Variants in SDHA observed in about 807,000 individuals in gnomAD.
SDHA encodes the protein succinate dehydrogenase complex flavoprotein subunit A.
A neutral mutation model predicts 78.4 loss-of-function variants in SDHA; 48 were observed. The observed-to-expected ratio is 0.61, with a 90% CI of 0.49 to 0.78. The LOEUF (loss-of-function observed/expected upper bound fraction) is 0.78. SDHA is among the 30% of genes least tolerant of loss of function. The pLI, the probability that SDHA is intolerant of heterozygous loss-of-function variation, is 0.00. For synonymous variants in SDHA, 326 were observed against 353.9 expected (o/e 0.92, Z 0.88); for missense variants, 680 against 892.7 (o/e 0.76, Z 3.04).
At chr5:263,913 G>A in the SDHA span, among the ~76,000 whole-genome samples, 414 of 152,230 alleles carry the variant, frequency 2.7e-3, 1 homozygote, top group African/African-American at 9.5e-3. Context: ...TTCTTTTCAC[G>A]CCTAAATATG....
intron 7 of SDHA, 49 bp from the exon 8 acceptor site, chr5:233,428 A>C (rs1579401859): frequency 6.3e-7 from 1 of 1,594,248 alleles, no homozygotes; most frequent in Non-Finnish European, 8.6e-7. Flanking sequence ...TGCATTTGAA[A>C]TAGAGATCTA....
intron 5 of SDHA, chr5:227,861 A>T (rs533780942): frequency 7.3e-5 from 28 of 384,246 alleles, no homozygotes; most frequent in Middle Eastern, 8.5e-4. Context: ...TGCGGACCTC[A>T]CTCTGGCACC....
intron 5 of SDHA, 106 bp from the exon 6 acceptor site, chr5:228,079 G>A: frequency 1.8e-6 from 2 of 1,117,866 alleles, no homozygotes; most frequent in South Asian, 1.3e-5. Context: ...GATTTACCTG[G>A]TCCATTTGGA....
At chr5:268,268 C>T in the SDHA span, among the ~76,000 whole-genome samples, 4 of 151,888 alleles carry the variant, frequency 2.6e-5, no homozygotes, top group South Asian at 2.1e-4. Context: ...CTGCAAGCTC[C>T]GCCTCCCGGG....
intron 4 of SDHA, 76 bp downstream of exon 4, chr5:225,638 A>G (rs1420885849): frequency 8.7e-6 from 14 of 1,600,710 alleles, no homozygotes; most frequent in Admixed American, 8.3e-5. Context: ...AATGTAAGCA[A>G]TTGAGGCGGA....
chr5:268,468 G>T, the SDHA span, among the ~76,000 whole-genome samples: 1 of 151,932 alleles, frequency 6.6e-6, no homozygotes, highest in African/African-American at 2.4e-5. Context: ...GCCTGGCCAG[G>T]GTGTTTTTTC....
At chr5:221,738 CTG>C (rs1348630073) in intron 1 of SDHA, among the ~76,000 whole-genome samples, 1 of 152,122 alleles carries the variant, frequency 6.6e-6, no homozygotes, top group African/African-American at 2.4e-5. Context: ...TATCTAAAGA[CTG>C]AAATTGGCTT....
chr5:257,464 G>A (rs1467277344), downstream of SDHA, among the ~76,000 whole-genome samples: 3 of 148,672 alleles, frequency 2.0e-5, 1 homozygote, highest in Admixed American at 2.0e-4. Context: ...TGCTGCCAGA[G>A]CATTACTCTG....
intron 10 of SDHA, among the ~76,000 whole-genome samples, chr5:236,982 T>C (rs1378621453): frequency 1.4e-5 from 2 of 144,856 alleles, no homozygotes; most frequent in Admixed American, 1.4e-4. Context: ...ACTGGAAATT[T>C]GCTTAGTGAT....
At chr5:263,393 A>T in the SDHA span, among the ~76,000 whole-genome samples, 3 of 152,202 alleles carry the variant, frequency 2.0e-5, no homozygotes, top group African/African-American at 7.2e-5. Flanking sequence ...GGAGCGGACT[A>T]TTGGTGCACG....
chr5:267,971 G>T, the SDHA span, among the ~76,000 whole-genome samples: 3 of 152,200 alleles, frequency 2.0e-5, no homozygotes, highest in Non-Finnish European at 2.9e-5. Context: ...CCCCACCTCT[G>T]AGAATGTGGA....
At chr5:255,714 A>G (rs557649142) in intron 14 of SDHA, among the ~76,000 whole-genome samples, 2 of 152,316 alleles carry the variant, frequency 1.3e-5, no homozygotes, top group South Asian at 2.1e-4. Flanking sequence ...ACAGGCATGA[A>G]CCAACACCCC....
the SDHA span, among the ~76,000 whole-genome samples, chr5:262,386 A>AGCATTACTGTGTG: frequency 1.5e-4 from 13 of 86,962 alleles, 2 homozygotes; most frequent in African/African-American, 8.1e-4. Context: ...CCTCCTGTCC[A>AGCATTACTGTGTG]AGCATTACTG....
intron 13 of SDHA, among the ~76,000 whole-genome samples, chr5:254,024 T>C (rs2126640397): frequency 6.6e-6 from 1 of 151,180 alleles, no homozygotes; most frequent in South Asian, 2.1e-4. Flanking sequence ...CCAGGTGACA[T>C]AGCCAGACCC....
At chr5:250,329 C>T (rs1410787690) in intron 11 of SDHA, 1 of 156,528 alleles carries the variant, frequency 6.4e-6, no homozygotes, top group African/African-American at 2.4e-5. Context: ...TGGTGCCTGT[C>T]CCACAGGAAG....
Position 233,605 on chromosome 5 carries a change from G to A in SDHA, c.1024G>A (p.Val342Met), listed in dbSNP as rs1735562520. The stretch of plus-strand genomic sequence containing the variant: ...CGCGAAGGACCTGGCGTCTAGAGAT[G>A]TGGTGTCTCGGTCCATGACTCTGGA... ...PVAKDLASRD[V>M]VSRSMTLEIR... Residue 342 changes from valine to methionine, a missense_variant, in exon 8 of 15, where the codon GTG becomes ATG. Val to Met is a conservative substitution (Grantham distance 21). Coordinates refer to ENST00000264932, the MANE Select transcript of SDHA (RefSeq NM_004168.4). 1.2e-6 allele frequency: 2 copies of A among 1,614,056 alleles called. No individual in the cohort carries two copies.
chr5:257,661 G>A (rs1737295334), downstream of SDHA, among the ~76,000 whole-genome samples: 1 of 117,718 alleles, frequency 8.5e-6, no homozygotes, highest in Non-Finnish European at 1.6e-5. Flanking sequence ...GAGCATTACT[G>A]GGTGAGCTCC....
chr5:265,729 A>C, the SDHA span, among the ~76,000 whole-genome samples: 1 of 152,008 alleles, frequency 6.6e-6, no homozygotes, highest in Non-Finnish European at 1.5e-5. Flanking sequence ...CTGAGGCAGG[A>C]GAGTTGCTTG....
At chr5:262,161 AG>A in the SDHA span, among the ~76,000 whole-genome samples, 6 of 100,178 alleles carry the variant, frequency 6.0e-5, no homozygotes, top group East Asian at 2.5e-4. Flanking sequence ...GCCTCCCGTC[AG>A]AGCATTACCG....
Sources: allele counts gnomAD v4.1 joint callset (sites outside exome capture counted in the v4.1 genomes callset), GRCh38; gene constraint gnomAD v4.1.1; transcripts MANE v1.5; gene names NCBI Gene and HGNC (gene_info 2026-07-23, HGNC 2026-07-21).